NCR2: variants seen among roughly 807,000 people sequenced by gnomAD.
NCR2 encodes the protein natural cytotoxicity triggering receptor 2.
In NCR2, 35 loss-of-function variants were observed where a neutral mutation model predicts 30.7. That is an observed-to-expected ratio of 1.14 (90% CI 0.87 to 1.51). NCR2 has a LOEUF of 1.51. NCR2 is among the 40% of genes most tolerant of loss of function. The probability of loss-of-function intolerance (pLI) is 0.00; values close to 1 mark genes in which losing one functional copy is unlikely to be tolerated. For synonymous variants in NCR2, 146 were observed against 134.8 expected, an observed-to-expected ratio of 1.08 and a Z score of -0.58; for missense variants, 316 against 328.9, an observed-to-expected ratio of 0.96 and a Z score of 0.30.
At chr6:41,343,899 A>C (rs539529129) in intron 4 of NCR2, among the ~76,000 whole-genome samples, 14 of 152,232 alleles carry the variant, frequency 9.2e-5, no homozygotes, top group African/African-American at 3.1e-4. Flanking sequence ...AGTCTAAATC[A>C]ATGGCCTCTT....
chr6:41,335,952 G>T, intron 1 of NCR2, 24 bp downstream of exon 1: 2 of 1,573,182 alleles, frequency 1.3e-6, no homozygotes, highest in Non-Finnish European at 1.7e-6. Flanking sequence ...GGAGCCCAGG[G>T]AGCAGAGGAG....
chr6:41,349,670 T>G (rs1483014881), intron 4 of NCR2, among the ~76,000 whole-genome samples: 1 of 152,186 alleles, frequency 6.6e-6, no homozygotes, highest in African/African-American at 2.4e-5. Flanking sequence ...GCACCCCAGC[T>G]CCACAGAGAC....
intron 4 of NCR2, among the ~76,000 whole-genome samples, chr6:41,343,378 G>A (rs1769224883): frequency 6.6e-6 from 1 of 152,220 alleles, no homozygotes; most frequent in South Asian, 2.1e-4. Flanking sequence ...ACTGTGGGAG[G>A]CCAAGGCTAA....
chr6:41,335,906 AC>A lies in NCR2; in HGVS notation c.31del (p.Leu11CysfsTer26). On this transcript the variant is annotated frameshift_variant, in exon 1 of 5. Coordinates refer to ENST00000373089, the MANE Select transcript of NCR2 (RefSeq NM_004828.4). LOFTEE classifies it high-confidence loss of function. ...CCTGGCGAGCCCTACACCCACTGCT[AC>A]TGCTGCTGCTGCTGTTCCCAGGTGA... is the stretch of plus-strand genomic sequence containing the variant. MAWRALHPLL[L>X]LLLLFPGSQA... The A allele has an allele frequency of 6.4e-7, 1 of 1,570,526 alleles. No homozygotes were observed. The highest frequency in any genetic ancestry group is 8.6e-7 in the Non-Finnish European group (1 of 1,157,140).
intron 4 of NCR2, among the ~76,000 whole-genome samples, chr6:41,349,783 G>A (rs899303194): frequency 3.9e-5 from 6 of 152,110 alleles, no homozygotes; most frequent in African/African-American, 1.4e-4. Flanking sequence ...TTACAGCATA[G>A]CCTTGGTTTC....
At position 41,341,788 on chromosome 6, in the gene NCR2, T is replaced by C; in HGVS notation, c.395-6T>C. On this transcript the variant is annotated splice_region_variant and splice_polypyrimidine_tract_variant and intron_variant, in intron 2 of 4. Transcript: ENST00000373089. ...CACTAACCACGCTCTTTCTCCTCCC[T>C]GGCAGCCTCTGCCTCCACACAGACC... 6.2e-7 allele frequency: 1 copy of C among 1,607,602 alleles called. No homozygotes were observed. Among genetic ancestry groups the C allele is most frequent in the Non-Finnish European group, 8.5e-7 (1 of 1,177,466 alleles).
intron 4 of NCR2, among the ~76,000 whole-genome samples, chr6:41,345,735 T>G (rs1769284182): frequency 6.6e-6 from 1 of 152,096 alleles, no homozygotes; most frequent in South Asian, 2.1e-4. Flanking sequence ...CAGTAAGACC[T>G]TGTAAATCCA....
At chr6:41,348,325 C>T (rs563366747) in intron 4 of NCR2, among the ~76,000 whole-genome samples, 3 of 152,254 alleles carry the variant, frequency 2.0e-5, no homozygotes, top group African/African-American at 7.2e-5. Context: ...GGTGTAATTC[C>T]TCAAATACAA....
At chr6:41,339,628 G>A (rs1355301280) in intron 2 of NCR2, among the ~76,000 whole-genome samples, 18 of 151,716 alleles carry the variant, frequency 1.2e-4, no homozygotes, top group Non-Finnish European at 1.6e-4. Flanking sequence ...CTCATGATCC[G>A]CCCTCCTCGG....
intron 4 of NCR2, among the ~76,000 whole-genome samples, 171 bp from the exon 5 acceptor site, chr6:41,350,507 G>A (rs1581667542): frequency 6.6e-6 from 1 of 152,322 alleles, no homozygotes; most frequent in East Asian, 1.9e-4. Flanking sequence ...ATCCATGCAT[G>A]CTCACTGACA....
chr6:41,339,635 TC>T (rs1343149614), intron 2 of NCR2, among the ~76,000 whole-genome samples: 2 of 152,164 alleles, frequency 1.3e-5, no homozygotes, highest in Non-Finnish European at 2.9e-5. Context: ...TCCGCCCTCC[TC>T]GGCCTCCCAA....
chr6:41,342,517 TCTC>T (rs1212658255), intron 4 of NCR2, among the ~76,000 whole-genome samples: 1 of 137,890 alleles, frequency 7.3e-6, no homozygotes, highest in African/African-American at 2.7e-5. Context: ...CCCTCCCTCC[TCTC>T]CTCTTCTTCC....
intron 2 of NCR2, among the ~76,000 whole-genome samples, chr6:41,341,579 C>T (rs1033521037): frequency 6.6e-6 from 1 of 152,122 alleles, no homozygotes; most frequent in African/African-American, 2.4e-5. Context: ...CTCAAGGATA[C>T]AACTGCAGGG....
rs1285978711 is a variant in NCR2 at position 41,336,219 on chromosome 6, T to C, written c.185T>C (p.Val62Ala). The C allele has an allele frequency of 6.2e-7, 1 of 1,614,058 alleles. No homozygotes were observed. The highest frequency in any genetic ancestry group is 8.5e-7 in the Non-Finnish European group (1 of 1,180,040). The change falls in exon 2 of 5, where the codon GTG becomes GCG. Residue 62 changes from valine (V) to alanine (A), a missense_variant. Physicochemically the swap from Val to Ala is moderately conservative, Grantham distance 64 (BLOSUM62 0). Transcript: ENST00000373089. Reference protein sequence around the residue: ...KGWCKEASALVCIRLVTSSKP... With the variant: ...KGWCKEASALACIRLVTSSKP... The stretch of plus-strand genomic sequence containing the variant: ...TGGTGTAAGGAGGCTTCAGCACTTG[T>C]GTGCATCAGGTTAGTCACCAGCTCC...
At chr6:41,344,601 C>T (rs1295421083) in intron 4 of NCR2, among the ~76,000 whole-genome samples, 1 of 152,298 alleles carries the variant, frequency 6.6e-6, no homozygotes, top group Middle Eastern at 3.4e-3. Context: ...ATTTGTTCTC[C>T]GAATGTTCCT....
chr6:41,348,464 A>AC lies in NCR2; in HGVS notation c.645-2213dup, dbSNP rs1769353541. On this transcript the variant is annotated intron_variant, in intron 4 of 4. Coordinates refer to ENST00000373089, the MANE Select transcript of NCR2 (RefSeq NM_004828.4). ...TGTTCAAAAGAGGTGGAAGGGGGAG[A>AC]CAAAAAAAAAAGTCACTGGTCCTTA... Among the ~76,000 whole-genome samples, 3 of 72,646 alleles carry AC rather than the reference A, an allele frequency of 4.1e-5. No individual in the cohort carries two copies. The East Asian group carries it at 2.2e-3, about 54-fold the overall frequency. The allele number at this position is 72,646 out of a possible 152,430, so 47.7% of individuals were successfully genotyped here.
In NCR2 at chr6:41,335,778, A is replaced by T. The variant is rs1769002262; in HGVS notation, c.-99A>T. 1.5e-6 allele frequency: 2 copies of T among 1,313,686 alleles called. No homozygotes were observed. Among genetic ancestry groups the T allele is most frequent in the Non-Finnish European group, 1.1e-6 (1 of 930,310 alleles). 81.4% of individuals were successfully genotyped at this position (1,313,686 alleles called of 1,614,324 possible). On this transcript the variant is annotated 5_prime_UTR_variant, in exon 1 of 5. Transcript: ENST00000373089. Reference sequence around the variant, plus strand: ...TCAGCCTGTCTCATTTTTCTATCAGACGTGCTGGAAGAGCAGCAGAATCAG... The same window carrying T: ...TCAGCCTGTCTCATTTTTCTATCAGTCGTGCTGGAAGAGCAGCAGAATCAG...
At chr6:41,338,203 G>A (rs1769081345) in intron 2 of NCR2, among the ~76,000 whole-genome samples, 1 of 152,184 alleles carries the variant, frequency 6.6e-6, no homozygotes, top group Admixed American at 6.5e-5. Context: ...CTGGCTTCTT[G>A]TCTTAATTAG....
Position 41,335,782 on chromosome 6 carries a change from G to A in NCR2, c.-95G>A, listed in dbSNP as rs188189431. 4.2e-4 allele frequency: 572 copies of A among 1,353,894 alleles called. 1 individual carries two copies. In the Admixed American group the frequency reaches 4.7e-3, roughly 11 times the overall value. The allele number at this position is 1,353,894 out of a possible 1,614,324, so 83.9% of individuals were successfully genotyped here. A position where few individuals can be genotyped will look rare whatever the true frequency, so the allele number is the denominator to read the frequency against. ...CCTGTCTCATTTTTCTATCAGACGT[G>A]CTGGAAGAGCAGCAGAATCAGGCCC... On this transcript the variant is annotated 5_prime_UTR_variant, in exon 1 of 5. Transcript: ENST00000373089.
Sources: allele counts gnomAD v4.1 joint callset (sites outside exome capture counted in the v4.1 genomes callset), GRCh38; gene constraint gnomAD v4.1.1; transcripts MANE v1.5; gene names NCBI Gene and HGNC (gene_info 2026-07-23, HGNC 2026-07-21).